The following SOCS2 variants were observed in gnomAD, a reference collection of about 807,000 sequenced individuals.
SOCS2 encodes the protein CIS-2.
A neutral mutation model predicts 18.6 loss-of-function variants in SOCS2; 10 were observed. The observed-to-expected ratio is 0.54, with a 90% CI of 0.33 to 0.91. The LOEUF (loss-of-function observed/expected upper bound fraction) is 0.91, where lower values mean the gene tolerates loss of function less well. Among genes scored for constraint, SOCS2 ranks in the 40% least tolerant of loss-of-function variants. The pLI is 0.02. For synonymous variants in SOCS2, 104 were observed against 104.0 expected, an observed-to-expected ratio of 1.00 and a Z score of 0.00; for missense variants, 231 against 247.2, an observed-to-expected ratio of 0.93 and a Z score of 0.44.
chr12:93,590,498 T>C, the SOCS2 span, among the ~76,000 whole-genome samples: 3 of 151,676 alleles, frequency 2.0e-5, no homozygotes, highest in African/African-American at 7.3e-5. Context: ...AAACGAACTA[T>C]TAAAAGTTAG....
the SOCS2 span, among the ~76,000 whole-genome samples, chr12:93,597,965 G>C: frequency 4.6e-5 from 7 of 152,118 alleles, no homozygotes; most frequent in Non-Finnish European, 7.3e-5. Context: ...AATATATATT[G>C]AGTGCCTACT....
chr12:93,618,083 C>T, the SOCS2 span, among the ~76,000 whole-genome samples: 1 of 152,140 alleles, frequency 6.6e-6, no homozygotes, highest in Admixed American at 6.5e-5. Flanking sequence ...CTCATGAGAT[C>T]TGGTTGTTCA....
At chr12:93,595,097 G>T in the SOCS2 span, among the ~76,000 whole-genome samples, 1 of 152,056 alleles carries the variant, frequency 6.6e-6, no homozygotes, top group Non-Finnish European at 1.5e-5. Context: ...TTTGTCATAA[G>T]TATTGCCGAC....
the SOCS2 span, among the ~76,000 whole-genome samples, chr12:93,591,668 A>G: frequency 2.0e-5 from 3 of 152,262 alleles, no homozygotes; most frequent in South Asian, 4.1e-4. Flanking sequence ...GGCTCCTCCC[A>G]GACGCGTCCG....
At chr12:93,584,485 G>T (rs1238530087), downstream of SOCS2, among the ~76,000 whole-genome samples, 1 of 152,072 alleles carries the variant, frequency 6.6e-6, no homozygotes, top group African/African-American at 2.4e-5. Context: ...AAAAGCCATG[G>T]TTTTCTCACT....
chr12:93,622,868 G>C, the SOCS2 span, among the ~76,000 whole-genome samples: 9,151 of 152,208 alleles, frequency 0.06, 838 homozygotes, highest in African/African-American at 0.2. Context: ...TCAAGTTCAG[G>C]ATTCAGCCCT....
the SOCS2 span, among the ~76,000 whole-genome samples, chr12:93,620,422 C>CTTT: frequency 3.6e-4 from 54 of 148,764 alleles, no homozygotes; most frequent in African/African-American, 1.3e-3. Flanking sequence ...CTTTTTTTCT[C>CTTT]TTTTTTTTTT....
In SOCS2 at chr12:93,572,826, A is replaced by C; in HGVS notation, c.-72A>C. On this transcript the variant is annotated 5_prime_UTR_variant, in exon 1 of 2. Coordinates refer to ENST00000551556, the MANE Select transcript of SOCS2 (RefSeq NM_001270471.2). The surrounding 1 kb of genome is among the most constrained non-coding windows in gnomAD (Gnocchi z 5.0). ...CGTTTTGGGATTCGCACTGACTTCA[A>C]GGAAGGACGCGAACCCTTCTCTGAC... 1 of 1,547,206 alleles carries C rather than the reference A, an allele frequency of 6.5e-7. No homozygotes were observed. Among genetic ancestry groups the C allele is most frequent in the South Asian group, 1.2e-5 (1 of 84,020 alleles).
intron 1 of SOCS2, 134 bp downstream of exon 1, chr12:93,573,170 C>T (rs1487525771): frequency 6.7e-6 from 8 of 1,201,592 alleles, no homozygotes; most frequent in Non-Finnish European, 8.1e-6. Context: ...CCGCGGAGAG[C>T]ACGCTCGCAG....
the SOCS2 span, among the ~76,000 whole-genome samples, chr12:93,596,252 C>G: frequency 5.9e-5 from 9 of 152,160 alleles, no homozygotes; most frequent in Non-Finnish European, 1.3e-4. Context: ...CCCATAACAC[C>G]ATGCTTGGCA....
At chr12:93,596,895 T>A in the SOCS2 span, among the ~76,000 whole-genome samples, 1 of 152,338 alleles carries the variant, frequency 6.6e-6, no homozygotes, top group East Asian at 1.9e-4. Flanking sequence ...CTCCACCACC[T>A]ACTACAAATT....
chr12:93,624,139 C>T, the SOCS2 span, among the ~76,000 whole-genome samples: 1 of 152,120 alleles, frequency 6.6e-6, no homozygotes, highest in Non-Finnish European at 1.5e-5. Context: ...AGTGTTTGTC[C>T]CTTGTTATCC....
chr12:93,588,754 C>G, the SOCS2 span, among the ~76,000 whole-genome samples: 1 of 151,950 alleles, frequency 6.6e-6, no homozygotes, highest in Admixed American at 6.5e-5. Context: ...GTATCTGGGA[C>G]TACAGGCATG....
chr12:93,601,886 A>G, the SOCS2 span, among the ~76,000 whole-genome samples: 1 of 152,174 alleles, frequency 6.6e-6, no homozygotes, highest in Non-Finnish European at 1.5e-5. Flanking sequence ...AAATTTTCAC[A>G]TAAACTTAGA....
At chr12:93,617,687 T>C in the SOCS2 span, among the ~76,000 whole-genome samples, 1 of 150,138 alleles carries the variant, frequency 6.7e-6, no homozygotes, top group African/African-American at 2.5e-5. Context: ...AATGAACATA[T>C]AAATGTAAAA....
Position 93,574,767 on chromosome 12 carries a change from T to C in SOCS2, c.185T>C (p.Leu62Ser). Residue 62 changes from leucine to serine, a missense_variant, in exon 2 of 2, where the codon TTA becomes TCA. By Grantham distance (145) the Leu-to-Ser change is moderately radical. Around this residue, in one of 3 missense-constraint regions of SOCS2, gnomAD observed 106 missense variants for 103.8 expected, o/e 1.02. Coordinates refer to ENST00000551556, the MANE Select transcript of SOCS2 (RefSeq NM_001270471.2). Reference protein sequence around the residue: ...SMTVNEAKEKLKEAPEGTFLI... With the variant: ...SMTVNEAKEKSKEAPEGTFLI... Reference sequence around the variant, plus strand: ...ACTGTTAATGAAGCCAAAGAGAAATTAAAAGAGGCACCAGAAGGAACTTTC... The same window carrying C: ...ACTGTTAATGAAGCCAAAGAGAAATCAAAAGAGGCACCAGAAGGAACTTTC... The C allele has an allele frequency of 6.2e-7, 1 of 1,614,006 alleles. No individual in the cohort carries two copies. The highest frequency in any genetic ancestry group is 2.2e-5 in the East Asian group (1 of 44,892).
chr12:93,596,687 G>A, the SOCS2 span, among the ~76,000 whole-genome samples: 119 of 152,216 alleles, frequency 7.8e-4, 2 homozygotes, highest in Non-Finnish European at 4.9e-4. Flanking sequence ...AATTAGCTGG[G>A]CGTGTTGGCC....
chr12:93,614,493 T>C, the SOCS2 span, among the ~76,000 whole-genome samples: 1 of 43,166 alleles, frequency 2.3e-5, no homozygotes, highest in African/African-American at 1.3e-4. Flanking sequence ...CCTTCCTTCC[T>C]TCCTTCCTTC....
chr12:93,614,480 T>TTTCCTTCCTTCCTTCC, the SOCS2 span, among the ~76,000 whole-genome samples: 3 of 26,152 alleles, frequency 1.1e-4, no homozygotes, highest in Non-Finnish European at 2.0e-4. Context: ...CCTTCCTTCC[T>TTTCCTTCCTTCCTTCC]TTCCTTCCTT....
Sources: allele counts gnomAD v4.1 joint callset (sites outside exome capture counted in the v4.1 genomes callset), GRCh38; gene constraint gnomAD v4.1.1; regional missense constraint gnomAD v4.1.1; non-coding constraint Gnocchi (gnomAD v3.1); transcripts MANE v1.5; gene names NCBI Gene and HGNC (gene_info 2026-07-23, HGNC 2026-07-21).